Variants in CNTNAP4 observed in about 807,000 individuals in gnomAD.
The protein encoded by CNTNAP4 is contactin-associated protein-like 4.
A neutral mutation model predicts 148.4 loss-of-function variants in CNTNAP4; 98 were observed. The observed-to-expected ratio is 0.66, with a 90% confidence interval of 0.56 to 0.78. The LOEUF (loss-of-function observed/expected upper bound fraction) is 0.78, where lower values mean the gene tolerates loss of function less well. Among genes scored for constraint, CNTNAP4 ranks in the 30% least tolerant of loss-of-function variants. The probability of loss-of-function intolerance (pLI) is 0.00; values close to 1 mark genes in which losing one functional copy is unlikely to be tolerated. For missense variants in CNTNAP4, 1,935 were observed against 1,565.6 expected (o/e 1.24, Z -3.98); for synonymous variants, 730 against 565.1 (o/e 1.29, Z -4.14).
At chr16:76,349,715 G>T (rs1157099402) in intron 2 of CNTNAP4, among the ~76,000 whole-genome samples, 1 of 152,042 alleles carries the variant, frequency 6.6e-6, no homozygotes. Flanking sequence ...TATTTTCTAG[G>T]AATTTAGATG....
At chr16:76,383,652 G>C (rs2016222147) in intron 3 of CNTNAP4, among the ~76,000 whole-genome samples, 1 of 152,166 alleles carries the variant, frequency 6.6e-6, no homozygotes, top group South Asian at 2.1e-4. Flanking sequence ...CACACAGGAT[G>C]CTGATAATAC....
chr16:76,501,930 G>T (rs1040197021), intron 15 of CNTNAP4, among the ~76,000 whole-genome samples: 2 of 151,538 alleles, frequency 1.3e-5, no homozygotes, highest in African/African-American at 2.4e-5. Context: ...TTAGCCGGGC[G>T]TAGTGGCGGG....
At chr16:76,316,382 A>G (rs1043444326) in intron 1 of CNTNAP4, 31 bp from the exon 2 acceptor site, 1 of 1,468,872 alleles carries the variant, frequency 6.8e-7, no homozygotes, top group African/African-American at 1.4e-5. Context: ...AGCACTAACT[A>G]ACCCTAACGT....
At chr16:76,504,198 C>G (rs752663746) in intron 15 of CNTNAP4, among the ~76,000 whole-genome samples, 1 of 151,966 alleles carries the variant, frequency 6.6e-6, no homozygotes, top group African/African-American at 2.4e-5. Flanking sequence ...ATAAGACTTA[C>G]TGTAAAACTA....
At chr16:76,440,169 AT>A (rs1226157613) in intron 4 of CNTNAP4, among the ~76,000 whole-genome samples, 2 of 151,884 alleles carry the variant, frequency 1.3e-5, no homozygotes, top group East Asian at 1.9e-4. Flanking sequence ...ATAGCTATAT[AT>A]TTTTTTTCTC....
chr16:76,308,123 A>AT (rs997266565), intron 1 of CNTNAP4, among the ~76,000 whole-genome samples: 22 of 95,988 alleles, frequency 2.3e-4, no homozygotes, highest in East Asian at 5.5e-4. Context: ...TTGCAGGAAC[A>AT]TTTTTTTTTT....
chr16:76,353,267 G>A (rs1413426777), intron 2 of CNTNAP4, among the ~76,000 whole-genome samples: 1 of 152,194 alleles, frequency 6.6e-6, no homozygotes, highest in African/African-American at 2.4e-5. Context: ...AGACAGTATA[G>A]TAAGAAACAG....
chr16:76,325,733 C>G (rs546739154), intron 2 of CNTNAP4, among the ~76,000 whole-genome samples: 71 of 151,838 alleles, frequency 4.7e-4, no homozygotes, highest in African/African-American at 1.7e-3. Flanking sequence ...AAAAGAACAA[C>G]AAATTAAGCC....
Position 76,398,928 on chromosome 16 carries a change from C to A in CNTNAP4, c.391-28524C>A, listed in dbSNP as rs188227328. On this transcript the variant is annotated intron_variant, in intron 3 of 23. Transcript: ENST00000611870. ...TCACCTTGAATTGTAATAATCCCCCCTGTGTCAAGGGGGGGTCCAGGTGGA... is the reference window on the plus strand; with the variant it reads ...TCACCTTGAATTGTAATAATCCCCCATGTGTCAAGGGGGGGTCCAGGTGGA... Among the ~76,000 whole-genome samples, 775 of 152,042 alleles carry A rather than the reference C, an allele frequency of 5.1e-3. 10 individuals are homozygous for A. Among genetic ancestry groups the A allele is most frequent in the African/African-American group, 0.018 (751 of 41,366 alleles).
intron 3 of CNTNAP4, among the ~76,000 whole-genome samples, chr16:76,388,579 G>T (rs972300595): frequency 2.0e-5 from 3 of 152,150 alleles, no homozygotes; most frequent in African/African-American, 7.2e-5. Context: ...CTATCTAAAA[G>T]TCATCTCCTG....
chr16:76,428,998 A>G (rs1393808942), intron 4 of CNTNAP4, among the ~76,000 whole-genome samples: 1 of 152,148 alleles, frequency 6.6e-6, no homozygotes, highest in Non-Finnish European at 1.5e-5. Flanking sequence ...TTTGCAGCCA[A>G]GTTTGCCAAA....
At chr16:76,444,297 TATTC>T (rs2080156550) in intron 4 of CNTNAP4, among the ~76,000 whole-genome samples, 3 of 152,204 alleles carry the variant, frequency 2.0e-5, no homozygotes, top group African/African-American at 7.2e-5. Flanking sequence ...CCTTAATTAT[TATTC>T]ATTCAGTAAT....
At chr16:76,364,589 T>C (rs76554429) in intron 3 of CNTNAP4, among the ~76,000 whole-genome samples, 1 of 152,128 alleles carries the variant, frequency 6.6e-6, no homozygotes. Context: ...TGCGATACTG[T>C]GTCTTAGACA....
chr16:76,551,326 A>G (rs12920725), intron 21 of CNTNAP4, among the ~76,000 whole-genome samples: 44,915 of 151,336 alleles, frequency 0.3, 6,741 homozygotes, highest in South Asian at 0.35. Context: ...TGAGCCTGGG[A>G]GGCAAAAGCT....
chr16:76,364,302 A>G (rs1049483668), intron 3 of CNTNAP4, among the ~76,000 whole-genome samples: 2 of 151,566 alleles, frequency 1.3e-5, no homozygotes, highest in Non-Finnish European at 2.9e-5. Flanking sequence ...CTGTAGATAC[A>G]CATAGCAATG....
intron 9 of CNTNAP4, among the ~76,000 whole-genome samples, chr16:76,465,851 C>T (rs990285540): frequency 5.9e-5 from 9 of 152,130 alleles, no homozygotes; most frequent in African/African-American, 1.9e-4. Context: ...TAAAATGTTT[C>T]GGTGTGTCTG....
chr16:76,556,054 G>C (rs371790945), intron 23 of CNTNAP4, among the ~76,000 whole-genome samples: 1 of 152,142 alleles, frequency 6.6e-6, no homozygotes, highest in East Asian at 1.9e-4. Context: ...CACCCACTAT[G>C]TAATAATAAT....
rs201694469 is a variant in CNTNAP4 at position 76,487,216 on chromosome 16, T to C, written c.1883-2470T>C. ...ACCGCAGCATCTGAATCAGATAACC[T>C]AGGAGGTTGTGCTCTAATCTAGACA... On this transcript the variant is annotated intron_variant, in intron 12 of 23. Transcript: ENST00000611870. Among the ~76,000 whole-genome samples the C allele has an allele frequency of 3.9e-5, 6 of 152,162 alleles. No individual in the cohort carries two copies. The East Asian group carries it at 1.2e-3, about 29-fold the overall frequency.
chr16:76,514,702 C>T (rs1432611681), intron 15 of CNTNAP4, among the ~76,000 whole-genome samples: 2 of 109,590 alleles, frequency 1.8e-5, no homozygotes, highest in African/African-American at 5.2e-5. Context: ...TTTTATTTTG[C>T]TTATATTGAT....
Sources: gnomAD v4.1 joint callset for allele counts (sites outside exome capture counted in the v4.1 genomes callset) on GRCh38, gnomAD v4.1.1 for gene constraint, MANE v1.5 for transcripts, NCBI Gene and HGNC (gene_info 2026-07-23, HGNC 2026-07-21) for gene names.